Variants in CTNND2 observed in about 807,000 individuals in gnomAD.
The protein encoded by CTNND2 is catenin delta 2.
In CTNND2, 22 loss-of-function variants were observed where a neutral mutation model predicts 144.4. The ratio of observed to expected loss-of-function variants is 0.15; its 90% CI spans 0.11 to 0.22. CTNND2 has a LOEUF of 0.22. Among genes scored for constraint, CTNND2 ranks in the 10% least tolerant of loss-of-function variants. CTNND2 has a pLI of 1.00. For missense variants in CTNND2, 1,353 were observed against 1,618.8 expected (o/e 0.84, Z 2.82); for synonymous variants, 751 against 695.6 (o/e 1.08, Z -1.25).
intron 3 of CTNND2, among the ~76,000 whole-genome samples, chr5:11,552,391 C>T (rs1020488935): frequency 1.3e-5 from 2 of 152,144 alleles, no homozygotes; most frequent in Admixed American, 6.5e-5. Context: ...CTTGACCTAA[C>T]AGGAGATTTC....
chr5:11,228,078 A>G (rs1312947575), intron 10 of CTNND2, among the ~76,000 whole-genome samples: 1 of 151,700 alleles, frequency 6.6e-6, no homozygotes, highest in Non-Finnish European at 1.5e-5. Context: ...GTGATGGTTC[A>G]TGCCTGTAAT....
At chr5:11,647,516 T>C (rs1362466556) in intron 2 of CTNND2, among the ~76,000 whole-genome samples, 1 of 151,910 alleles carries the variant, frequency 6.6e-6, no homozygotes, top group Non-Finnish European at 1.5e-5. Context: ...ACTTTGCTGA[T>C]AGTGCCCCCC....
chr5:11,475,522 A>G (rs1767641716), intron 3 of CTNND2, among the ~76,000 whole-genome samples: 1 of 152,192 alleles, frequency 6.6e-6, no homozygotes, highest in African/African-American at 2.4e-5. Flanking sequence ...TCACACATAT[A>G]AAGGATGAAC....
At chr5:11,168,528 T>C (rs1433800142) in intron 11 of CTNND2, among the ~76,000 whole-genome samples, 1 of 152,184 alleles carries the variant, frequency 6.6e-6, no homozygotes, top group East Asian at 1.9e-4. Flanking sequence ...TGCTTAGAAC[T>C]ATAGCCTTCC....
intron 1 of CTNND2, among the ~76,000 whole-genome samples, chr5:11,777,052 T>C (rs1297080021): frequency 1.3e-5 from 2 of 152,220 alleles, no homozygotes; most frequent in Non-Finnish European, 2.9e-5. Flanking sequence ...TCTCAATAAA[T>C]ATATAACACA....
rs527777136 is a variant in CTNND2 at position 11,255,624 on chromosome 5, T to C, written c.1629-18801A>G. The stretch of plus-strand genomic sequence containing the variant: ...CACAAAGGTTACGCATTCTATCTAG[T>C]AGGATGCAGATGAAGGAAGGCACAG... On this transcript the variant is annotated intron_variant, in intron 9 of 21. Transcript: ENST00000304623. Among the ~76,000 whole-genome samples the C allele has an allele frequency of 5.9e-5, 9 of 152,252 alleles. No individual in the cohort carries two copies. The South Asian group carries it at 1.9e-3, about 32-fold the overall frequency.
At chr5:11,150,674 C>CTGGAG (rs1419091547) in intron 12 of CTNND2, among the ~76,000 whole-genome samples, 2 of 128,604 alleles carry the variant, frequency 1.6e-5, no homozygotes, top group Admixed American at 9.8e-5. Context: ...GTCGCCCAGG[C>CTGGAG]TGGAGTGCAG....
At chr5:11,133,128 G>A (rs995083417) in intron 12 of CTNND2, among the ~76,000 whole-genome samples, 1 of 152,068 alleles carries the variant, frequency 6.6e-6, no homozygotes. Flanking sequence ...CGCATATGGA[G>A]GTAATGGGAG....
At chr5:11,303,909 G>A (rs944519049) in intron 9 of CTNND2, among the ~76,000 whole-genome samples, 9 of 152,116 alleles carry the variant, frequency 5.9e-5, no homozygotes, top group African/African-American at 1.4e-4. Flanking sequence ...CATGGGGGCG[G>A]TTTCCCCCAT....
intron 9 of CTNND2, among the ~76,000 whole-genome samples, chr5:11,337,358 T>C (rs1352736074): frequency 6.6e-6 from 1 of 152,196 alleles, no homozygotes; most frequent in Non-Finnish European, 1.5e-5. Context: ...ACTCTCCTTT[T>C]GTGCTCTTAA....
Position 10,973,748 on chromosome 5 carries a change from G to A in CTNND2, c.3418-35C>T, listed in dbSNP as rs1228258383. The A allele has an allele frequency of 1.3e-6, 2 of 1,550,404 alleles. No homozygotes were observed. Among genetic ancestry groups the A allele is most frequent in the Non-Finnish European group, 1.7e-6 (2 of 1,149,580 alleles). ...AAAGAAGAGCCACACTGGGTTACTT[G>A]GTTTCCCTTGACTCAGCCTGCCTCT... On this transcript the variant is annotated intron_variant, in intron 21 of 21. Coordinates refer to ENST00000304623, the MANE Select transcript of CTNND2 (RefSeq NM_001332.4). The surrounding 1 kb of genome is among the most constrained non-coding windows in gnomAD (Gnocchi z 5.6).
chr5:11,765,009 C>T (rs867105334), intron 1 of CTNND2, among the ~76,000 whole-genome samples: 5 of 152,138 alleles, frequency 3.3e-5, no homozygotes, highest in South Asian at 2.1e-4. Context: ...TAAAATCCAT[C>T]CTCAATAAGT....
chr5:11,287,274 TC>T, intron 9 of CTNND2, among the ~76,000 whole-genome samples: 1 of 152,172 alleles, frequency 6.6e-6, no homozygotes, highest in Non-Finnish European at 1.5e-5. Context: ...CGCATGGGCC[TC>T]ATCCAATCAG....
intron 9 of CTNND2, among the ~76,000 whole-genome samples, chr5:11,273,224 A>ATGAAATGT (rs1746199839): frequency 6.6e-6 from 1 of 152,184 alleles, no homozygotes; most frequent in Non-Finnish European, 1.5e-5. Context: ...TTGCTGACCC[A>ATGAAATGT]AGTATTTGAG....
chr5:11,173,481 G>T (rs972499491), intron 11 of CTNND2, among the ~76,000 whole-genome samples: 1 of 152,202 alleles, frequency 6.6e-6, no homozygotes, highest in African/African-American at 2.4e-5. Context: ...TTCTTTTCAT[G>T]TCCTGTGGAA....
chr5:11,601,848 T>G (rs115859471), intron 2 of CTNND2, among the ~76,000 whole-genome samples: 2,200 of 152,230 alleles, frequency 0.014, 56 homozygotes, highest in African/African-American at 0.051. Context: ...AGGCACACAT[T>G]CAAATATGCT....
At chr5:11,378,438 C>G (rs984236868) in intron 7 of CTNND2, among the ~76,000 whole-genome samples, 3 of 152,192 alleles carry the variant, frequency 2.0e-5, no homozygotes, top group Non-Finnish European at 4.4e-5. Flanking sequence ...CAGCCTTAAC[C>G]ACCTTTACAA....
intron 9 of CTNND2, among the ~76,000 whole-genome samples, chr5:11,293,865 A>T (rs1249573779): frequency 6.7e-6 from 1 of 148,758 alleles, no homozygotes; most frequent in African/African-American, 2.5e-5. Context: ...TCCTAAGGCA[A>T]AGTTGTGAGT....
chr5:11,110,950 C>A lies in CTNND2; in HGVS notation c.2371G>T (p.Asp791Tyr). The part of the protein sequence containing the change: ...QGQHMGTDEL[D>Y]GLLCGEANGK... ...TTGGCCTCGCCACAGAGTAGCCCGTCCAGCTCGTCCGTGCCCATGTGCTGT... is the reference window on the plus strand; with the variant it reads ...TTGGCCTCGCCACAGAGTAGCCCGTACAGCTCGTCCGTGCCCATGTGCTGT... Residue 791 changes from aspartate to tyrosine, a missense_variant, in exon 14 of 22, where the codon GAC becomes TAC. By Grantham distance (160) the Asp-to-Tyr change is radical (BLOSUM62 -3). Coordinates refer to ENST00000304623, the MANE Select transcript of CTNND2 (RefSeq NM_001332.4). 6.2e-7 allele frequency: 1 copy of A among 1,614,194 alleles called. No homozygotes were observed. Among genetic ancestry groups the A allele is most frequent in the Non-Finnish European group, 8.5e-7 (1 of 1,180,032 alleles).
Sources: allele counts gnomAD v4.1 joint callset (sites outside exome capture counted in the v4.1 genomes callset), GRCh38; gene constraint gnomAD v4.1.1; non-coding constraint Gnocchi (gnomAD v3.1); transcripts MANE v1.5; gene names NCBI Gene and HGNC (gene_info 2026-07-23, HGNC 2026-07-21).